Variants in SGIP1 observed in about 807,000 individuals in gnomAD.
SGIP1 encodes SH3GL interacting endocytic adaptor 1.
Under a neutral mutation model 107.5 loss-of-function variants are expected in SGIP1, and 38 were observed. The ratio of observed to expected loss-of-function variants is 0.35; its 90% CI spans 0.27 to 0.46. SGIP1 has a LOEUF of 0.46. Ranked by LOEUF, SGIP1 falls within the 20% of genes least tolerant of loss-of-function variation. The probability of loss-of-function intolerance (pLI) is 1.00; values close to 1 mark genes in which losing one functional copy is unlikely to be tolerated. For missense variants in SGIP1, 929 were observed against 1,019.5 expected (o/e 0.91, Z 1.21); for synonymous variants, 365 against 366.1 (o/e 1.00, Z 0.03).
intron 7 of SGIP1, among the ~76,000 whole-genome samples, chr1:66,654,308 A>G (rs2079303514): frequency 6.6e-6 from 1 of 152,112 alleles, no homozygotes. Flanking sequence ...TTCTTCCTCT[A>G]CAATGTGTAG....
intron 7 of SGIP1, among the ~76,000 whole-genome samples, chr1:66,655,228 T>C (rs1261604777): frequency 6.6e-6 from 1 of 151,976 alleles, no homozygotes; most frequent in East Asian, 1.9e-4. Context: ...ATCCCTAGAC[T>C]AACGCCTGCC....
chr1:66,595,910 G>T (rs939178191), intron 1 of SGIP1, among the ~76,000 whole-genome samples: 1 of 152,172 alleles, frequency 6.6e-6, no homozygotes, highest in African/African-American at 2.4e-5. Flanking sequence ...GCTTCCAGTG[G>T]TTTGAGGAGG....
At chr1:66,644,542 T>C (rs2077331844) in intron 7 of SGIP1, among the ~76,000 whole-genome samples, 1 of 144,952 alleles carries the variant, frequency 6.9e-6, no homozygotes, top group Non-Finnish European at 1.5e-5. Context: ...TAATGTGTTC[T>C]TGGCATCTTC....
intron 1 of SGIP1, among the ~76,000 whole-genome samples, chr1:66,568,995 G>T (rs1160462069): frequency 1.3e-5 from 2 of 151,868 alleles, no homozygotes; most frequent in South Asian, 4.2e-4. Context: ...AAAATAAAAA[G>T]ACCTCAGCAA....
intron 15 of SGIP1, among the ~76,000 whole-genome samples, chr1:66,684,376 T>G (rs2087671022): frequency 6.6e-6 from 1 of 152,230 alleles, no homozygotes; most frequent in South Asian, 2.1e-4. Context: ...TCTAGAGGGT[T>G]ACAGCATCCA....
intron 1 of SGIP1, among the ~76,000 whole-genome samples, chr1:66,621,733 C>T (rs990444242): frequency 6.6e-6 from 1 of 152,198 alleles, no homozygotes; most frequent in Non-Finnish European, 1.5e-5. Context: ...CTTCATTTAG[C>T]ATAGTATTTT....
intron 1 of SGIP1, among the ~76,000 whole-genome samples, chr1:66,562,256 A>G (rs1048224620): frequency 2.6e-5 from 4 of 152,028 alleles, no homozygotes; most frequent in Admixed American, 1.3e-4. Context: ...GACTCTGCAC[A>G]ACAGCTAGTT....
At chr1:66,543,620 T>C (rs1312201652) in intron 1 of SGIP1, among the ~76,000 whole-genome samples, 2 of 152,182 alleles carry the variant, frequency 1.3e-5, no homozygotes, top group Non-Finnish European at 2.9e-5. Context: ...AGGGTCATTG[T>C]TCTACTGAGT....
At chr1:66,584,562 C>CT (rs11421933) in intron 1 of SGIP1, among the ~76,000 whole-genome samples, 20,386 of 152,078 alleles carry the variant, frequency 0.13, 1,427 homozygotes, top group Admixed American at 0.18. Flanking sequence ...GTTTTTTCTT[C>CT]TTTTTTCATG....
At chr1:66,587,033 A>G (rs1474684101) in intron 1 of SGIP1, among the ~76,000 whole-genome samples, 1 of 152,038 alleles carries the variant, frequency 6.6e-6, no homozygotes, top group Non-Finnish European at 1.5e-5. Flanking sequence ...TCTAGTCTCC[A>G]CAGTGTCTGA....
chr1:66,591,536 C>T (rs1275936458), intron 1 of SGIP1, among the ~76,000 whole-genome samples: 1 of 152,204 alleles, frequency 6.6e-6, no homozygotes, highest in Non-Finnish European at 1.5e-5. Flanking sequence ...CATGCACAGC[C>T]TCCCCCATTA....
chr1:66,732,270 T>C, intron 20 of SGIP1, among the ~76,000 whole-genome samples: 1 of 152,210 alleles, frequency 6.6e-6, no homozygotes, highest in East Asian at 1.9e-4. Context: ...TGTTTCTTAT[T>C]AGCTGCATGA....
chr1:66,543,246 A>G (rs184931089), intron 1 of SGIP1, among the ~76,000 whole-genome samples: 1 of 152,170 alleles, frequency 6.6e-6, no homozygotes, highest in Non-Finnish European at 1.5e-5. Flanking sequence ...CACACGTTTT[A>G]TCAAAAAGCC....
At chr1:66,705,115 CTG>C (rs770223662) in intron 18 of SGIP1, among the ~76,000 whole-genome samples, 1 of 152,180 alleles carries the variant, frequency 6.6e-6, no homozygotes, top group Non-Finnish European at 1.5e-5. Context: ...CTATTCTGCA[CTG>C]TGTGTGTAAT....
chr1:66,695,750 G>C, intron 18 of SGIP1, among the ~76,000 whole-genome samples: 1 of 152,000 alleles, frequency 6.6e-6, no homozygotes, highest in East Asian at 1.9e-4. Context: ...ATTAACTATG[G>C]TCAATTGAAA....
intron 7 of SGIP1, among the ~76,000 whole-genome samples, chr1:66,644,179 C>T (rs908906063): frequency 6.6e-6 from 1 of 152,062 alleles, no homozygotes; most frequent in African/African-American, 2.4e-5. Context: ...AAACCAAAAA[C>T]TAATCCAAAT....
chr1:66,713,990 A>T (rs1055656166), intron 18 of SGIP1, among the ~76,000 whole-genome samples: 1 of 152,078 alleles, frequency 6.6e-6, no homozygotes, highest in African/African-American at 2.4e-5. Flanking sequence ...TTTGTTTTGT[A>T]TCTCCCTTTG....
chr1:66,739,977 A>G (rs2094394683), intron 22 of SGIP1, among the ~76,000 whole-genome samples: 1 of 152,200 alleles, frequency 6.6e-6, no homozygotes, highest in South Asian at 2.1e-4. Flanking sequence ...AGATCCCCAC[A>G]TCTGAGTTAG....
At chr1:66,588,763 G>T (rs972463188) in intron 1 of SGIP1, among the ~76,000 whole-genome samples, 3 of 149,424 alleles carry the variant, frequency 2.0e-5, no homozygotes, top group African/African-American at 7.4e-5. Flanking sequence ...TACCCTTTTG[G>T]TTTCACATTT....
Sources: allele counts gnomAD v4.1 joint callset (sites outside exome capture counted in the v4.1 genomes callset), GRCh38; gene constraint gnomAD v4.1.1; transcripts MANE v1.5; gene names NCBI Gene and HGNC (gene_info 2026-07-23, HGNC 2026-07-21).